PSG11: variants seen among roughly 807,000 people sequenced by gnomAD.
The protein encoded by PSG11 is pregnancy specific beta-1-glycoprotein 11, also known as pregnancy-specific beta-1-glycoprotein 11.
PSG11 carries 42 observed loss-of-function variants against 36.0 expected under a neutral mutation model. The observed-to-expected ratio is 1.17, with a 90% CI of 0.91 to 1.51. The LOEUF (loss-of-function observed/expected upper bound fraction) is 1.51, where lower values mean the gene tolerates loss of function less well. PSG11 is among the 40% of genes most tolerant of loss of function. PSG11 has a pLI of 0.00. For missense variants in PSG11, 558 were observed against 403.5 expected (o/e 1.38, Z -3.28); for synonymous variants, 206 against 153.5 (o/e 1.34, Z -2.53).
In PSG11 at chr19:43,009,994, G is replaced by A; in HGVS notation, c.*4C>T. 3.7e-6 allele frequency: 6 copies of A among 1,606,800 alleles called. No homozygotes were observed. The highest frequency in any genetic ancestry group is 4.3e-6 in the Non-Finnish European group (5 of 1,174,566). On this transcript the variant is annotated 3_prime_UTR_variant, in exon 5 of 6. Transcript: ENST00000320078. ...CCTGAAATACAAAAATGACATCACG[G>A]CTGCTACGTTGGATTATTGAAAGCA...
chr19:43,018,622 T>C, intron 3 of PSG11, 148 bp downstream of exon 3: 1 of 1,558,192 alleles, frequency 6.4e-7, no homozygotes. Context: ...CCTACTGTGG[T>C]TTGTCTGGGG....
intron 2 of PSG11, chr19:43,024,452 C>T (rs1206787729): frequency 1.0e-5 from 6 of 595,426 alleles, no homozygotes; most frequent in Middle Eastern, 4.5e-4. Flanking sequence ...CTGCTGAGTC[C>T]CCCCATCAGA....
At chr19:43,019,610 A>C (rs1967054463) in intron 2 of PSG11, 2 of 158,476 alleles carry the variant, frequency 1.3e-5, no homozygotes, top group South Asian at 3.6e-4. Context: ...CAGTTCAGTC[A>C]TCAGGCAGTG....
At chr19:43,014,839 C>G (rs1199832204) in intron 4 of PSG11, 4 of 1,318,396 alleles carry the variant, frequency 3.0e-6, no homozygotes, top group African/African-American at 1.5e-5. Flanking sequence ...TCCTTCTTGT[C>G]CCTCTGTGAA....
rs189025284 is a variant in PSG11 at position 43,017,644 on chromosome 19, A to T, written c.709+1126T>A. ...GGACAGAGTTTTCTAATTCTGCAAA[A>T]AATGTTACTGGGATTCTAGTAGGGG... is the stretch of plus-strand genomic sequence containing the variant. On this transcript the variant is annotated intron_variant, in intron 3 of 5. Transcript: ENST00000320078. The T allele has an allele frequency of 1.7e-4, 26 of 151,460 alleles. 1 individual carries two copies. In the East Asian group the frequency reaches 3.3e-3, roughly 19 times the overall value. The allele number at this position is 151,460 out of a possible 1,614,324, so 9.4% of individuals were successfully genotyped here. A position where few individuals can be genotyped will look rare whatever the true frequency, so the allele number is the denominator to read the frequency against.
intron 2 of PSG11, among the ~76,000 whole-genome samples, chr19:43,022,600 T>G (rs1185309194): frequency 6.6e-6 from 1 of 151,234 alleles, no homozygotes; most frequent in Non-Finnish European, 1.5e-5. Flanking sequence ...TTCAATAAAT[T>G]TGTGTGTTTG....
chr19:43,026,387 G>A lies in PSG11; in HGVS notation c.-15C>T, dbSNP rs778681037. 1.9e-6 allele frequency: 3 copies of A among 1,607,956 alleles called. No homozygotes were observed. Among genetic ancestry groups the A allele is most frequent in the African/African-American group, 2.7e-5 (2 of 74,252 alleles). On this transcript the variant is annotated 5_prime_UTR_variant, in exon 1 of 6. Transcript: ENST00000320078. ...AGGGGCCCCATGATCTCTGCTGCGTGCATGTTCTCCTCTGTGGAGATGAGC... is the reference window on the plus strand; with the variant it reads ...AGGGGCCCCATGATCTCTGCTGCGTACATGTTCTCCTCTGTGGAGATGAGC...
At chr19:43,011,216 G>T (rs1030636653) in intron 4 of PSG11, among the ~76,000 whole-genome samples, 12 of 151,090 alleles carry the variant, frequency 7.9e-5, no homozygotes, top group Non-Finnish European at 1.6e-4. Flanking sequence ...TTGACTGCAT[G>T]AAACCTTTAA....
At chr19:43,025,858 A>T (rs1209093848) in intron 1 of PSG11, among the ~76,000 whole-genome samples, 1 of 114,920 alleles carries the variant, frequency 8.7e-6, no homozygotes. Flanking sequence ...TCCTGTTTTG[A>T]CCCCTGTCCC....
At chr19:43,026,104 G>C (rs1225247999) in intron 1 of PSG11, among the ~76,000 whole-genome samples, 1 of 149,908 alleles carries the variant, frequency 6.7e-6, no homozygotes, top group Non-Finnish European at 1.5e-5. Context: ...ACCATACCTG[G>C]TTAATTTTTT....
rs369155738 is a variant in PSG11, at chr19:43,015,422, G to C, written c.710-52C>G. The C allele has an allele frequency of 1.6e-4, 255 of 1,559,554 alleles. 12 individuals carry two copies. The highest frequency in any genetic ancestry group is 2.2e-4 in the Non-Finnish European group (248 of 1,148,434). The stretch of plus-strand genomic sequence containing the variant: ...TTGATGTCATCTGAGGGAAGGGGAA[G>C]CTCCTTGTCTCTTAAAGGGACACAG... On this transcript the variant is annotated intron_variant, in intron 3 of 5. Transcript: ENST00000320078.
At chr19:43,019,078 T>C (rs1390342771) in intron 2 of PSG11, 30 bp from the exon 3 acceptor site, 1 of 1,600,136 alleles carries the variant, frequency 6.2e-7, no homozygotes, top group African/African-American at 1.4e-5. Context: ...AAGATTGCCC[T>C]GTGTGGCACC....
At chr19:43,019,364 C>G (rs1780091642) in intron 2 of PSG11, 1 of 399,882 alleles carries the variant, frequency 2.5e-6, no homozygotes, top group African/African-American at 2.0e-5. Context: ...AACTGCCTGC[C>G]TGGCCCACCT....
chr19:43,023,200 TG>T lies in PSG11; in HGVS notation c.430+1490del, dbSNP rs574762300. On this transcript the variant is annotated intron_variant, in intron 2 of 5. Coordinates refer to ENST00000320078, the MANE Select transcript of PSG11 (RefSeq NM_002785.3). ...AGGTAGTGGGGGGATGAAACATGGG[TG>T]TCAGCCTCTGAAGGACAAGGGACAG... Among the ~76,000 whole-genome samples the T allele has an allele frequency of 6.1e-3, 911 of 150,306 alleles. 26 individuals carry two copies. Among genetic ancestry groups the T allele is most frequent in the African/African-American group, 0.021 (862 of 40,558 alleles).
rs771352633 is a variant in PSG11, at chr19:43,024,758, G to A, written c.363C>T (p.Thr121=). The part of the protein sequence containing the change: ...NVTREDAGSY[T]LHIIKRGDGT... ...CATCACCTCGCTTTATGATGTGTAAGGTGTAGGATCCTGCGTCCTCCCGGG... is the reference window on the plus strand; with the variant it reads ...CATCACCTCGCTTTATGATGTGTAAAGTGTAGGATCCTGCGTCCTCCCGGG... Residue 121 remains threonine, a synonymous_variant, in exon 2 of 6, where the codon ACC becomes ACT. Coordinates refer to ENST00000320078, the MANE Select transcript of PSG11 (RefSeq NM_002785.3). The A allele has an allele frequency of 1.6e-5, 26 of 1,611,808 alleles. No individual in the cohort carries two copies. The African/African-American group carries it at 3.0e-4, about 18-fold the overall frequency.
At chr19:43,019,786 G>A (rs759148275) in intron 2 of PSG11, 2 of 151,898 alleles carry the variant, frequency 1.3e-5, no homozygotes, top group East Asian at 3.9e-4. Context: ...GTGGGTCTAT[G>A]ATGCTCCCTT....
chr19:43,026,143 C>G (rs1033665681), intron 1 of PSG11, among the ~76,000 whole-genome samples, 166 bp downstream of exon 1: 6 of 150,152 alleles, frequency 4.0e-5, no homozygotes, highest in Middle Eastern at 3.4e-3. Context: ...GGGCTTCACT[C>G]TGTTGGCTGG....
At chr19:43,024,379 G>C (rs909941339) in intron 2 of PSG11, 21 of 482,698 alleles carry the variant, frequency 4.4e-5, no homozygotes, top group Non-Finnish European at 5.8e-5. Flanking sequence ...AGTTCTCCAG[G>C]GTCTTTCTCA....
At chr19:43,020,581 GGTA>G (rs1463221087) in intron 2 of PSG11, among the ~76,000 whole-genome samples, 1 of 151,424 alleles carries the variant, frequency 6.6e-6, no homozygotes, top group Non-Finnish European at 1.5e-5. Flanking sequence ...ATCAATTGCT[GGTA>G]GTAGTATTTC....
Sources: gnomAD v4.1 joint callset for allele counts (sites outside exome capture counted in the v4.1 genomes callset) on GRCh38, gnomAD v4.1.1 for gene constraint, MANE v1.5 for transcripts, NCBI Gene and HGNC (gene_info 2026-07-23, HGNC 2026-07-21) for gene names.